ZCCHC17: variants seen among roughly 807,000 people sequenced by gnomAD.
ZCCHC17 encodes the protein zinc finger CCHC domain-containing protein 17.
In ZCCHC17, 18 loss-of-function variants were observed where a neutral mutation model predicts 30.6. The ratio of observed to expected loss-of-function variants is 0.59; its 90% CI spans 0.41 to 0.87. ZCCHC17 has a LOEUF of 0.87. Ranked by LOEUF, ZCCHC17 falls within the 40% of genes least tolerant of loss-of-function variation. The pLI is 0.00. For missense variants in ZCCHC17, 263 were observed against 284.2 expected (o/e 0.93, Z 0.54); for synonymous variants, 88 against 92.4 (o/e 0.95, Z 0.27).
intron 7 of ZCCHC17, among the ~76,000 whole-genome samples, chr1:31,363,248 A>G (rs1418230444): frequency 1.3e-5 from 2 of 151,122 alleles, no homozygotes; most frequent in Admixed American, 1.3e-4. Flanking sequence ...CAGTGGCACA[A>G]TCTTAGCTCA....
chr1:31,346,360 A>G (rs532378037), intron 5 of ZCCHC17, among the ~76,000 whole-genome samples: 7 of 152,318 alleles, frequency 4.6e-5, no homozygotes, highest in East Asian at 1.9e-4. Context: ...TTTTAAACCT[A>G]TGAGTGACCT....
At chr1:31,346,554 C>CA in intron 5 of ZCCHC17, 86 bp from the exon 6 acceptor site, 1 of 1,442,430 alleles carries the variant, frequency 6.9e-7, no homozygotes, top group Non-Finnish European at 9.2e-7. Flanking sequence ...CTGCCAAAAA[C>CA]AAAAAACCAA....
At position 31,355,052 on chromosome 1, in the gene ZCCHC17, G is replaced by A. The variant is rs58987500; in HGVS notation, c.564+6078G>A. 5.7e-3 allele frequency among the ~76,000 whole-genome samples: 871 copies of A among 152,146 alleles called. 68 individuals are homozygous for A. The East Asian group carries it at 0.14, about 25-fold the overall frequency. On this transcript the variant is annotated intron_variant, in intron 7 of 7. Coordinates refer to ENST00000344147, the MANE Select transcript of ZCCHC17 (RefSeq NM_016505.4). ...TAGCCAGGCGTGGTGGCGAGGGCCT[G>A]TAATCCTAGCTACTTGGGAGGCTGA...
chr1:31,304,817 G>A (rs1389833346), intron 1 of ZCCHC17, among the ~76,000 whole-genome samples: 1 of 151,770 alleles, frequency 6.6e-6, no homozygotes, highest in Non-Finnish European at 1.5e-5. Flanking sequence ...GGATGGTCTT[G>A]ATCTCCTGAC....
At chr1:31,345,568 A>ATATATATAT (rs1639234737) in intron 5 of ZCCHC17, among the ~76,000 whole-genome samples, 11 of 3,768 alleles carry the variant, frequency 2.9e-3, no homozygotes, top group Admixed American at 4.3e-3. Flanking sequence ...ATATAATATA[A>ATATATATAT]TATATATATA....
Position 31,364,506 on chromosome 1 carries a change from C to G in ZCCHC17, c.*313C>G, listed in dbSNP as rs1179827618. On this transcript the variant is annotated 3_prime_UTR_variant, in exon 8 of 8. Coordinates refer to ENST00000344147, the MANE Select transcript of ZCCHC17 (RefSeq NM_016505.4). The stretch of plus-strand genomic sequence containing the variant: ...CCCTCTCCAGCTGCCACTGCCAGAG[C>G]TGGATTCCTGTAAAGGAGTCCAGGC... The G allele has an allele frequency of 2.6e-5, 9 of 352,330 alleles. No individual in the cohort carries two copies. The highest frequency in any genetic ancestry group is 4.2e-5 in the Admixed American group (1 of 23,960). 21.8% of individuals were successfully genotyped at this position (352,330 alleles called of 1,614,324 possible).
intron 2 of ZCCHC17, among the ~76,000 whole-genome samples, chr1:31,316,883 G>A (rs974342899): frequency 4.6e-5 from 7 of 152,072 alleles, no homozygotes; most frequent in Non-Finnish European, 2.9e-5. Flanking sequence ...TGCTCCATCC[G>A]ATGTCTCCAT....
chr1:31,316,291 G>A (rs925570306), intron 2 of ZCCHC17, among the ~76,000 whole-genome samples: 4 of 152,038 alleles, frequency 2.6e-5, no homozygotes, highest in African/African-American at 9.7e-5. Flanking sequence ...TAGTAGAGAT[G>A]GGGTTTCACC....
chr1:31,359,696 A>C (rs1569942139), intron 7 of ZCCHC17, among the ~76,000 whole-genome samples: 1 of 152,070 alleles, frequency 6.6e-6, no homozygotes. Flanking sequence ...CTAACAAGGG[A>C]TATGTGCTTT....
At position 31,346,646 on chromosome 1, in the gene ZCCHC17, A is replaced by G; in HGVS notation, c.324A>G (p.Glu108=). 18 of 1,609,102 alleles carry G rather than the reference A, an allele frequency of 1.1e-5. No individual in the cohort carries two copies. Among genetic ancestry groups the G allele is most frequent in the Non-Finnish European group, 1.5e-5 (18 of 1,176,416 alleles). The change falls in exon 6 of 8, where the codon GAA becomes GAG. Residue 108 remains glutamate, a synonymous_variant. Transcript: ENST00000344147. ...LDPNNVIIEQ[E]ERRRRSFQDY... Reference sequence around the variant, plus strand: ...GGTATCTTTTTCATTATAGGCAAGAAGAGAGGCGGAGGCGATCCTTCCAGG... The same window carrying G: ...GGTATCTTTTTCATTATAGGCAAGAGGAGAGGCGGAGGCGATCCTTCCAGG...
chr1:31,316,390 CTG>C (rs1191608667), intron 2 of ZCCHC17, among the ~76,000 whole-genome samples: 2 of 152,316 alleles, frequency 1.3e-5, no homozygotes, highest in Non-Finnish European at 2.9e-5. Context: ...GTGTGAGCCA[CTG>C]TGCCTGACCC....
intron 7 of ZCCHC17, among the ~76,000 whole-genome samples, chr1:31,359,789 A>G (rs567321489): frequency 6.6e-6 from 1 of 152,192 alleles, no homozygotes; most frequent in South Asian, 2.1e-4. Flanking sequence ...TCACACTCCT[A>G]TGCCATTTAA....
At chr1:31,298,607 A>G (rs1646231004) in intron 1 of ZCCHC17, among the ~76,000 whole-genome samples, 1 of 151,836 alleles carries the variant, frequency 6.6e-6, no homozygotes, top group Non-Finnish European at 1.5e-5. Flanking sequence ...CTGGTCTCCA[A>G]CTCCTGGCCT....
intron 3 of ZCCHC17, among the ~76,000 whole-genome samples, chr1:31,334,337 CTGTGTGTGTGTGTG>C (rs59851204): frequency 0.016 from 1,389 of 85,560 alleles, 29 homozygotes; most frequent in African/African-American, 0.041. Context: ...CTCTCTCTCT[CTGTGTGTGTGTGTG>C]TGTGTGTGTG....
chr1:31,306,293 G>A (rs544464824), intron 1 of ZCCHC17, among the ~76,000 whole-genome samples: 2 of 151,762 alleles, frequency 1.3e-5, no homozygotes, highest in South Asian at 2.1e-4. Flanking sequence ...ACTCTGCTTC[G>A]TGGCCATTAT....
intron 5 of ZCCHC17, among the ~76,000 whole-genome samples, chr1:31,344,782 A>G (rs774621530): frequency 5.9e-5 from 9 of 152,186 alleles, no homozygotes; most frequent in Non-Finnish European, 1.0e-4. Flanking sequence ...CTACAAATAG[A>G]TAGGTGAAAG....
chr1:31,311,936 A>G (rs776953391), intron 2 of ZCCHC17, among the ~76,000 whole-genome samples: 2 of 152,230 alleles, frequency 1.3e-5, no homozygotes. Context: ...AAGAGGCTAC[A>G]GAGAGCTGCC....
At chr1:31,318,033 A>G (rs1429629229) in intron 2 of ZCCHC17, 10 of 621,408 alleles carry the variant, frequency 1.6e-5, no homozygotes, top group Non-Finnish European at 2.6e-5. Flanking sequence ...TGGGAATAAT[A>G]GTACCAACTC....
Position 31,337,234 on chromosome 1 carries a change from G to C in ZCCHC17, c.184G>C (p.Asp62His). Residue 62 changes from aspartate to histidine, a missense_variant, in exon 4 of 8, where the codon GAT (aspartate) becomes CAT (histidine). Asp to His is a moderately conservative substitution (Grantham distance 81). Transcript: ENST00000344147. The part of the protein sequence containing the change: ...CRVDKPSEIV[D>H]VGDKVWVKLI... Reference sequence around the variant, plus strand: ...GGTGGATAAGCCCTCTGAGATAGTAGATGTTGGAGATAAAGTGTGGGTGAA... The same window carrying C: ...GGTGGATAAGCCCTCTGAGATAGTACATGTTGGAGATAAAGTGTGGGTGAA... 1 of 1,614,090 alleles carries C rather than the reference G, an allele frequency of 6.2e-7. No individual in the cohort carries two copies. Among genetic ancestry groups the C allele is most frequent in the Non-Finnish European group, 8.5e-7 (1 of 1,179,968 alleles).
Sources: gnomAD v4.1 joint callset for allele counts (sites outside exome capture counted in the v4.1 genomes callset) on GRCh38, gnomAD v4.1.1 for gene constraint, MANE v1.5 for transcripts, NCBI Gene and HGNC (gene_info 2026-07-23, HGNC 2026-07-21) for gene names.